Variants in WDPCP observed in about 807,000 individuals in gnomAD.
WDPCP encodes WD repeat containing planar cell polarity effector, also known as WD repeat-containing and planar cell polarity effector protein fritz homolog.
WDPCP carries 71 observed loss-of-function variants against 93.1 expected under a neutral mutation model. The observed-to-expected ratio is 0.76, with a 90% confidence interval of 0.63 to 0.93. The LOEUF (loss-of-function observed/expected upper bound fraction) is 0.93. WDPCP is among the 40% of genes least tolerant of loss of function. WDPCP has a pLI of 0.00. For synonymous variants in WDPCP, 315 were observed against 315.0 expected (o/e 1.00, Z 0.00); for missense variants, 844 against 887.4 (o/e 0.95, Z 0.62).
At chr2:63,700,529 G>T (rs938876242) in intron 2 of WDPCP, among the ~76,000 whole-genome samples, 2 of 152,064 alleles carry the variant, frequency 1.3e-5, no homozygotes, top group Non-Finnish European at 2.9e-5. Context: ...TGTAATTTAT[G>T]TTCCCTACTC....
At chr2:63,626,204 C>T (rs1161182053) in intron 3 of WDPCP, among the ~76,000 whole-genome samples, 1 of 152,198 alleles carries the variant, frequency 6.6e-6, no homozygotes, top group East Asian at 1.9e-4. Context: ...GGATTAAAGA[C>T]TTAAATGTAA....
chr2:63,361,602 A>C (rs752860763), intron 12 of WDPCP, among the ~76,000 whole-genome samples: 4 of 152,212 alleles, frequency 2.6e-5, no homozygotes, highest in Non-Finnish European at 4.4e-5. Flanking sequence ...CATCTAAACT[A>C]TGCACATGTG....
intron 2 of WDPCP, among the ~76,000 whole-genome samples, chr2:63,710,725 G>A (rs1249949137): frequency 6.6e-6 from 1 of 152,218 alleles, no homozygotes; most frequent in African/African-American, 2.4e-5. Context: ...AGCACCTGTT[G>A]GGCTGAATGG....
chr2:63,393,349 C>T (rs957353236), intron 10 of WDPCP, among the ~76,000 whole-genome samples: 1 of 151,608 alleles, frequency 6.6e-6, no homozygotes, highest in Admixed American at 6.6e-5. Flanking sequence ...AACACTTGGA[C>T]ACAGGAAGGG....
intron 1 of WDPCP, among the ~76,000 whole-genome samples, chr2:63,574,983 T>C (rs1011862157): frequency 3.3e-5 from 5 of 152,128 alleles, no homozygotes; most frequent in African/African-American, 1.2e-4. Context: ...CAAATTATCA[T>C]TTTATATTTT....
At chr2:63,717,587 G>C (rs1669357404) in intron 2 of WDPCP, 1 of 525,084 alleles carries the variant, frequency 1.9e-6, no homozygotes, top group Non-Finnish European at 3.9e-6. Flanking sequence ...TGGTATACCT[G>C]TCAGTGAGAG....
At chr2:63,286,592 C>T (rs930519308) in intron 13 of WDPCP, among the ~76,000 whole-genome samples, 1 of 152,232 alleles carries the variant, frequency 6.6e-6, no homozygotes, top group Admixed American at 6.5e-5. Flanking sequence ...AGCCCGCCTG[C>T]ACCCAGGTGA....
chr2:63,494,380 A>C (rs1701090148), intron 1 of WDPCP, among the ~76,000 whole-genome samples: 1 of 152,200 alleles, frequency 6.6e-6, no homozygotes, highest in Non-Finnish European at 1.5e-5. Flanking sequence ...GATAACACTT[A>C]CTTGTTCCAA....
At chr2:63,346,854 A>T (rs977875783) in intron 12 of WDPCP, among the ~76,000 whole-genome samples, 6 of 152,208 alleles carry the variant, frequency 3.9e-5, no homozygotes, top group African/African-American at 1.2e-4. Context: ...TCTCATCATA[A>T]AACCAGAGGA....
At chr2:63,721,330 T>C (rs1035426484) in intron 2 of WDPCP, among the ~76,000 whole-genome samples, 3 of 152,164 alleles carry the variant, frequency 2.0e-5, no homozygotes, top group African/African-American at 7.2e-5. Flanking sequence ...CTTGACAACT[T>C]CCCATAACCA....
At chr2:63,265,660 G>A (rs1414692841) in intron 13 of WDPCP, among the ~76,000 whole-genome samples, 1 of 152,088 alleles carries the variant, frequency 6.6e-6, no homozygotes, top group African/African-American at 2.4e-5. Context: ...CAAACTCACT[G>A]TGAGGCCAGC....
At chr2:63,329,562 A>G (rs1452935057) in intron 12 of WDPCP, among the ~76,000 whole-genome samples, 1 of 152,178 alleles carries the variant, frequency 6.6e-6, no homozygotes, top group Non-Finnish European at 1.5e-5. Flanking sequence ...TGCCTTGTAG[A>G]TGAAGTTGGT....
intron 2 of WDPCP, among the ~76,000 whole-genome samples, chr2:63,701,538 C>T (rs1669048874): frequency 6.6e-6 from 1 of 152,218 alleles, no homozygotes; most frequent in African/African-American, 2.4e-5. Flanking sequence ...ATCAAAGACA[C>T]TTCTGTACTT....
In WDPCP at chr2:63,588,198, TG is replaced by T; in HGVS notation, c.73del (p.Gln25ArgfsTer14). 6.4e-7 allele frequency: 1 copy of T among 1,566,740 alleles called. No individual in the cohort carries two copies. Among genetic ancestry groups the T allele is most frequent in the Non-Finnish European group, 8.7e-7 (1 of 1,153,552 alleles). On this transcript the variant is annotated frameshift_variant and splice_region_variant, in exon 1 of 18. Transcript: ENST00000272321. LOFTEE classifies it high-confidence loss of function. ...CCTTGCCCTCGGGCCAGGGCTCACC[TG>T]TCTCGGGAGTGGGGAAGAAGCGCGA... ...GSRASSPLPR[Q>X]DRDSFCHQMS...
In WDPCP at chr2:63,169,895, G is replaced by A. The variant is rs142244589; in HGVS notation, c.2078+4775C>T. Among the ~76,000 whole-genome samples, 595 of 150,004 alleles carry A rather than the reference G, an allele frequency of 4.0e-3. 3 individuals carry two copies. Among genetic ancestry groups the A allele is most frequent in the African/African-American group, 0.014 (572 of 41,176 alleles). Reference sequence around the variant, plus strand: ...TTTATTTTCATTTATTTGTTTCAGTGGACTTTTTTTTTTTTTGAGACCCTA... The same window carrying A: ...TTTATTTTCATTTATTTGTTTCAGTAGACTTTTTTTTTTTTTGAGACCCTA... On this transcript the variant is annotated intron_variant, in intron 15 of 17. Coordinates refer to ENST00000272321, the MANE Select transcript of WDPCP (RefSeq NM_015910.7).
chr2:63,817,306 C>T (rs904860734), intron 1 of WDPCP, among the ~76,000 whole-genome samples: 3 of 152,060 alleles, frequency 2.0e-5, no homozygotes, highest in Non-Finnish European at 4.4e-5. Flanking sequence ...GATGGGGTTT[C>T]GCCATGTTGG....
chr2:63,160,530 C>A (rs1287156756), intron 15 of WDPCP, among the ~76,000 whole-genome samples: 1 of 152,162 alleles, frequency 6.6e-6, no homozygotes, highest in Non-Finnish European at 1.5e-5. Context: ...TGAACCTCCC[C>A]TCCCCTACTA....
At position 63,378,365 on chromosome 2, in the gene WDPCP, C is replaced by T. The variant is rs369708214; in HGVS notation, c.1748+21G>A. 4.3e-6 allele frequency: 7 copies of T among 1,612,378 alleles called. No homozygotes were observed. The African/African-American group carries it at 8.0e-5, about 18-fold the overall frequency. On this transcript the variant is annotated intron_variant, in intron 12 of 17. Transcript: ENST00000272321. ...AATAAGTAATTAGTCTGACGCTAAT[C>T]AATCCAAACATATCATTCACCTGAG...
At chr2:63,334,266 A>T (rs1020606487) in intron 12 of WDPCP, among the ~76,000 whole-genome samples, 1 of 152,144 alleles carries the variant, frequency 6.6e-6, no homozygotes. Context: ...GACAGGTCTC[A>T]GTTAATTTAG....
Sources: gnomAD v4.1 joint callset for allele counts (sites outside exome capture counted in the v4.1 genomes callset) on GRCh38, gnomAD v4.1.1 for gene constraint, MANE v1.5 for transcripts, NCBI Gene and HGNC (gene_info 2026-07-23, HGNC 2026-07-21) for gene names.